Variants in FGD6 observed in about 807,000 individuals in gnomAD.
The protein encoded by FGD6 is FYVE, RhoGEF and PH domain-containing protein 6.
A neutral mutation model predicts 149.4 loss-of-function variants in FGD6; 90 were observed. The observed-to-expected ratio is 0.60, with a 90% CI of 0.51 to 0.72. The LOEUF is 0.72. Among genes scored for constraint, FGD6 ranks in the 30% least tolerant of loss-of-function variants. The probability of loss-of-function intolerance (pLI) is 0.00; values close to 1 mark genes in which losing one functional copy is unlikely to be tolerated. For synonymous variants in FGD6, 527 were observed against 584.0 expected, an observed-to-expected ratio of 0.90 and a Z score of 1.41; for missense variants, 1,437 against 1,684.8, an observed-to-expected ratio of 0.85 and a Z score of 2.57.
intron 3 of FGD6, among the ~76,000 whole-genome samples, chr12:95,159,551 T>C (rs1880576843): frequency 6.6e-6 from 1 of 152,204 alleles, no homozygotes; most frequent in African/African-American, 2.4e-5. Context: ...TTAAGAACTC[T>C]GATAGGGCTG....
At chr12:95,212,086 T>C (rs2056730719) in intron 1 of FGD6, among the ~76,000 whole-genome samples, 2 of 152,206 alleles carry the variant, frequency 1.3e-5, no homozygotes, top group East Asian at 1.9e-4. Context: ...AAATTAATTC[T>C]TTGGTATTAT....
At chr12:95,083,030 T>TATATATATATACACACACACACACAC (rs772685891) in intron 20 of FGD6, among the ~76,000 whole-genome samples, 8 of 56,596 alleles carry the variant, frequency 1.4e-4, no homozygotes, top group Non-Finnish European at 1.6e-4. Context: ...TATATATATA[T>TATATATATATACACACACACACACAC]ACACACACAT....
At chr12:95,123,032 G>A (rs1302077204) in intron 8 of FGD6, among the ~76,000 whole-genome samples, 2 of 150,380 alleles carry the variant, frequency 1.3e-5, no homozygotes, top group Non-Finnish European at 3.0e-5. Flanking sequence ...CACAGCCTGA[G>A]CGACAGAGTG....
chr12:95,138,133 G>C (rs573236712), intron 6 of FGD6, among the ~76,000 whole-genome samples: 1 of 151,988 alleles, frequency 6.6e-6, no homozygotes, highest in East Asian at 1.9e-4. Flanking sequence ...GAACCCGGGA[G>C]GGGGAGGTTG....
intron 8 of FGD6, among the ~76,000 whole-genome samples, chr12:95,133,509 C>T (rs1879583015): frequency 6.6e-6 from 1 of 152,100 alleles, no homozygotes; most frequent in South Asian, 2.1e-4. Flanking sequence ...TCAGGATTCA[C>T]CTATTATCTC....
intron 5 of FGD6, among the ~76,000 whole-genome samples, chr12:95,144,919 C>A (rs1400150609): frequency 6.6e-5 from 10 of 151,130 alleles, no homozygotes; most frequent in African/African-American, 2.4e-4. Flanking sequence ...GAACTCCTGA[C>A]CTCAGGTGAT....
chr12:95,116,888 T>A (rs1273326598), intron 8 of FGD6: 1 of 455,880 alleles, frequency 2.2e-6, no homozygotes, highest in Non-Finnish European at 4.4e-6. Context: ...AAGAATCACC[T>A]GGGGCCTTAA....
intron 1 of FGD6, among the ~76,000 whole-genome samples, chr12:95,211,975 AGATCAAT>A (rs2056730276): frequency 6.6e-6 from 1 of 152,256 alleles, no homozygotes; most frequent in Non-Finnish European, 1.5e-5. Flanking sequence ...TTTAAACTTC[AGATCAAT>A]GATCAATGAT....
At position 95,134,932 on chromosome 12, in the gene FGD6, G is replaced by A. The variant is rs923629131; in HGVS notation, c.2995-106C>T. ...CTTTAAACATCAAGCAACTCTGGAAGGAGATTCGTAGAGAGGCTCCCTTTT... is the reference window on the plus strand; with the variant it reads ...CTTTAAACATCAAGCAACTCTGGAAAGAGATTCGTAGAGAGGCTCCCTTTT... On this transcript the variant is annotated intron_variant, in intron 7 of 20. Transcript: ENST00000343958. The A allele has an allele frequency of 3.6e-5, 29 of 804,182 alleles. 1 individual carries two copies. The Middle Eastern group carries it at 1.4e-3, about 39-fold the overall frequency. The allele number at this position is 804,182 out of a possible 1,614,324, so 49.8% of individuals were successfully genotyped here. A position where few individuals can be genotyped will look rare whatever the true frequency, so the allele number is the denominator to read the frequency against.
chr12:95,173,039 C>A (rs1426270962), intron 2 of FGD6, among the ~76,000 whole-genome samples: 1 of 152,186 alleles, frequency 6.6e-6, no homozygotes, highest in Non-Finnish European at 1.5e-5. Flanking sequence ...CAGGTCTCTA[C>A]TCCTAGAATA....
chr12:95,123,565 A>AT (rs34064127), intron 8 of FGD6, among the ~76,000 whole-genome samples: 155 of 144,854 alleles, frequency 1.1e-3, no homozygotes, highest in Non-Finnish European at 1.2e-3. Context: ...GTCAATATAC[A>AT]TTTTTTTTTT....
chr12:95,166,760 A>T (rs1880830960), intron 3 of FGD6, among the ~76,000 whole-genome samples: 1 of 151,932 alleles, frequency 6.6e-6, no homozygotes, highest in African/African-American at 2.4e-5. Context: ...GTCATTCCTC[A>T]TTCCTATTTT....
At chr12:95,189,063 A>G (rs991555982) in intron 2 of FGD6, 1 of 152,200 alleles carries the variant, frequency 6.6e-6, no homozygotes, top group Non-Finnish European at 1.5e-5. Flanking sequence ...AGGTAAACCC[A>G]GTGAACAAAG....
intron 8 of FGD6, among the ~76,000 whole-genome samples, chr12:95,115,815 C>T (rs1036136099): frequency 2.0e-5 from 3 of 152,168 alleles, no homozygotes; most frequent in East Asian, 1.9e-4. Flanking sequence ...CACAAACACG[C>T]GCCCAATTGC....
intron 5 of FGD6, among the ~76,000 whole-genome samples, chr12:95,146,181 C>G (rs1880011179): frequency 1.3e-5 from 2 of 152,204 alleles, no homozygotes; most frequent in Non-Finnish European, 2.9e-5. Flanking sequence ...GTAACTAATT[C>G]ACACAGGAAC....
At chr12:95,189,770 A>G (rs1272444774) in intron 2 of FGD6, 2 of 152,204 alleles carry the variant, frequency 1.3e-5, no homozygotes, top group Non-Finnish European at 2.9e-5. Context: ...TTTACCATCA[A>G]AAAAACCTCC....
chr12:95,153,049 A>G (rs375404097), intron 3 of FGD6, 56 bp from the exon 4 acceptor site: 2 of 1,511,210 alleles, frequency 1.3e-6, no homozygotes, highest in African/African-American at 2.7e-5. Context: ...AAGATCAGCT[A>G]TGAGCTAGTC....
At chr12:95,169,231 C>T (rs942250007) in intron 3 of FGD6, among the ~76,000 whole-genome samples, 2 of 149,804 alleles carry the variant, frequency 1.3e-5, no homozygotes, top group Admixed American at 6.6e-5. Context: ...AGAGTTATTA[C>T]AGTCAACAAT....
intron 13 of FGD6, among the ~76,000 whole-genome samples, chr12:95,106,577 C>T (rs1592834048): frequency 6.6e-6 from 1 of 152,200 alleles, no homozygotes; most frequent in South Asian, 2.1e-4. Context: ...TGAGCCACCA[C>T]ACTGACCTTA....
Sources: gnomAD v4.1 joint callset for allele counts (sites outside exome capture counted in the v4.1 genomes callset) on GRCh38, gnomAD v4.1.1 for gene constraint, MANE v1.5 for transcripts, NCBI Gene and HGNC (gene_info 2026-07-23, HGNC 2026-07-21) for gene names.